Variants in SASS6 observed in about 807,000 individuals in gnomAD.
SASS6 encodes SAS-6 centriolar assembly protein.
A neutral mutation model predicts 94.9 loss-of-function variants in SASS6; 59 were observed. The observed-to-expected ratio is 0.62, with a 90% CI of 0.50 to 0.77. The LOEUF (loss-of-function observed/expected upper bound fraction) is 0.77, where lower values mean the gene tolerates loss of function less well. SASS6 is among the 30% of genes least tolerant of loss of function. SASS6 has a pLI of 0.00. For synonymous variants in SASS6, 264 were observed against 270.0 expected, an observed-to-expected ratio of 0.98 and a Z score of 0.22; for missense variants, 698 against 734.1, an observed-to-expected ratio of 0.95 and a Z score of 0.57.
At chr1:100,093,891 C>T (rs1461581241) in intron 14 of SASS6, among the ~76,000 whole-genome samples, 1 of 152,074 alleles carries the variant, frequency 6.6e-6, no homozygotes, top group Non-Finnish European at 1.5e-5. Context: ...TTTAGATTAA[C>T]ATAGAACTCT....
At chr1:100,127,099 T>C (rs1301583305) in intron 1 of SASS6, among the ~76,000 whole-genome samples, 1 of 152,170 alleles carries the variant, frequency 6.6e-6, no homozygotes, top group African/African-American at 2.4e-5. Context: ...TCATAAACAT[T>C]AATCAAATAG....
rs1237904428 is a variant in SASS6, at chr1:100,084,632, A to G, written c.*696T>C. Reference sequence around the variant, plus strand: ...ACAAATTGAGAAAAACTAGATGAGTATAAACATTTAGGAAGCACTGAAGTT... The same window carrying G: ...ACAAATTGAGAAAAACTAGATGAGTGTAAACATTTAGGAAGCACTGAAGTT... On this transcript the variant is annotated 3_prime_UTR_variant, in exon 17 of 17. Coordinates refer to ENST00000287482, the MANE Select transcript of SASS6 (RefSeq NM_194292.3). 6.6e-6 allele frequency: 1 copy of G among 152,146 alleles called. No individual in the cohort carries two copies. The highest frequency in any genetic ancestry group is 1.5e-5 in the Non-Finnish European group (1 of 67,960). 9.4% of individuals were successfully genotyped at this position (152,146 alleles called of 1,614,324 possible).
At chr1:100,096,835 G>A (rs1435949514) in intron 14 of SASS6, among the ~76,000 whole-genome samples, 2 of 152,208 alleles carry the variant, frequency 1.3e-5, no homozygotes, top group East Asian at 1.9e-4. Flanking sequence ...ACAATGAGGG[G>A]CCAGGTGTGG....
rs749784408 is a variant in SASS6 at position 100,102,989 on chromosome 1, G to A, written c.1640C>T (p.Ala547Val). Residue 547 changes from alanine to valine, a missense_variant, in exon 14 of 17, where the codon GCC becomes GTC. Transcript: ENST00000287482. ...FQNTFPHSISAKNTSHPGSGT... is the reference protein window; with the variant it reads ...FQNTFPHSISVKNTSHPGSGT... ...TGAACCAGGGTGGCTGGTATTTTTG[G>A]CAGATATCGAATGAGGGAAGGTATT... The A allele has an allele frequency of 6.2e-7, 1 of 1,611,994 alleles. No individual in the cohort carries two copies. Among genetic ancestry groups the A allele is most frequent in the Non-Finnish European group, 8.5e-7 (1 of 1,178,450 alleles).
intron 13 of SASS6, among the ~76,000 whole-genome samples, chr1:100,104,483 A>T (rs1181804327): frequency 6.6e-6 from 1 of 152,016 alleles, no homozygotes; most frequent in Non-Finnish European, 1.5e-5. Flanking sequence ...TGTTTGAGAT[A>T]GAGTCTCACT....
rs186655054 is a variant in SASS6 at position 100,092,990 on chromosome 1, A to G, written c.1675-4754T>C. Among the ~76,000 whole-genome samples, 414 of 152,240 alleles carry G rather than the reference A, an allele frequency of 2.7e-3. 1 individual carries two copies. Among genetic ancestry groups the G allele is most frequent in the Non-Finnish European group, 4.3e-3 (291 of 68,002 alleles). On this transcript the variant is annotated intron_variant, in intron 14 of 16. Coordinates refer to ENST00000287482, the MANE Select transcript of SASS6 (RefSeq NM_194292.3). The stretch of plus-strand genomic sequence containing the variant: ...CGAAATATGAAAACATAAGGGGGGA[A>G]AAGGCAAAGGGACTGTATGGTGGCA...
At position 100,123,200 on chromosome 1, in the gene SASS6, A is replaced by C; in HGVS notation, c.206+10T>G. 1 of 1,245,224 alleles carries C rather than the reference A, an allele frequency of 8.0e-7. No individual in the cohort carries two copies. The highest frequency in any genetic ancestry group is 1.2e-6 in the Non-Finnish European group (1 of 863,222). 77.1% of individuals were successfully genotyped at this position (1,245,224 alleles called of 1,614,324 possible). A position where few individuals can be genotyped will look rare whatever the true frequency, so the allele number is the denominator to read the frequency against. ...TCACTAAATATAAGATCAGAAAAAAATTTAGTTACCTTTGAAAATCTTCCT... is the reference window on the plus strand; with the variant it reads ...TCACTAAATATAAGATCAGAAAAAACTTTAGTTACCTTTGAAAATCTTCCT... On this transcript the variant is annotated intron_variant, in intron 3 of 16. Coordinates refer to ENST00000287482, the MANE Select transcript of SASS6 (RefSeq NM_194292.3).
rs533537975 is a variant in SASS6, at chr1:100,107,448, T to G, written c.1252A>C (p.Lys418Gln). 8.1e-6 allele frequency: 13 copies of G among 1,610,202 alleles called. No homozygotes were observed. The highest frequency in any genetic ancestry group is 5.5e-5 in the South Asian group (5 of 90,946). The change falls in exon 11 of 17, where the codon AAG (lysine) becomes CAG (glutamine). Residue 418 changes from lysine (K) to glutamine (Q), a missense_variant. Transcript: ENST00000287482. ...TIQQEKLLAE[K>Q]EEKLQKEQKE... ...TGTTCCTTTTGTAATTTTTCCTCCT[T>G]CTCAGCCAAGAGTTTTTCTTGCTGA...
intron 8 of SASS6, among the ~76,000 whole-genome samples, chr1:100,109,343 T>C (rs1260967781): frequency 6.6e-6 from 1 of 152,088 alleles, no homozygotes; most frequent in African/African-American, 2.4e-5. Context: ...CACTGGTAAC[T>C]TTGGTATTTA....
chr1:100,114,750 A>C (rs1653663303), intron 7 of SASS6, among the ~76,000 whole-genome samples: 1 of 151,794 alleles, frequency 6.6e-6, no homozygotes, highest in Non-Finnish European at 1.5e-5. Context: ...CAAAAATCCC[A>C]AGTTAAATAA....
intron 15 of SASS6, among the ~76,000 whole-genome samples, chr1:100,086,821 C>T (rs907067500): frequency 6.6e-6 from 1 of 151,912 alleles, no homozygotes; most frequent in East Asian, 1.9e-4. Context: ...GCTGGGACTA[C>T]AGGTGTATGT....
At chr1:100,114,008 A>T (rs889087702) in intron 7 of SASS6, among the ~76,000 whole-genome samples, 4 of 152,052 alleles carry the variant, frequency 2.6e-5, no homozygotes, top group African/African-American at 7.2e-5. Flanking sequence ...AAATAAAAAA[A>T]AATAATAAAT....
At chr1:100,114,726 A>G (rs1653662523) in intron 7 of SASS6, among the ~76,000 whole-genome samples, 1 of 151,978 alleles carries the variant, frequency 6.6e-6, no homozygotes, top group Admixed American at 6.6e-5. Context: ...TCTAAAATTA[A>G]ATAAATAAAA....
chr1:100,125,222 A>AGTGTGTGTGTGTGTGTGTGTGTGTGT (rs59388922), intron 2 of SASS6, among the ~76,000 whole-genome samples: 31 of 143,722 alleles, frequency 2.2e-4, no homozygotes, highest in African/African-American at 7.7e-4. Context: ...ACAAGGCAGC[A>AGTGTGTGTGTGTGTGTGTGTGTGTGT]GTGTGTGTGT....
At chr1:100,089,143 ATAAAT>A (rs1305918126) in intron 14 of SASS6, among the ~76,000 whole-genome samples, 1 of 152,166 alleles carries the variant, frequency 6.6e-6, no homozygotes, top group Non-Finnish European at 1.5e-5. Context: ...TTCTCACTGA[ATAAAT>A]TAACAGCAAA....
intron 1 of SASS6, among the ~76,000 whole-genome samples, chr1:100,128,659 T>C (rs1188058150): frequency 6.6e-6 from 1 of 152,218 alleles, no homozygotes; most frequent in East Asian, 1.9e-4. Flanking sequence ...TCCCTTATAA[T>C]GGTTAATGTC....
intron 14 of SASS6, among the ~76,000 whole-genome samples, chr1:100,088,838 A>T (rs1651486468): frequency 6.7e-6 from 1 of 148,154 alleles, no homozygotes; most frequent in Non-Finnish European, 1.5e-5. Context: ...CTGTCTATAA[A>T]AAAAAAAAAA....
At chr1:100,088,972 C>G (rs959096998) in intron 14 of SASS6, among the ~76,000 whole-genome samples, 18 of 151,910 alleles carry the variant, frequency 1.2e-4, no homozygotes, top group Admixed American at 7.9e-4. Context: ...AAAAATTAGC[C>G]AACAGAAACA....
intron 5 of SASS6, among the ~76,000 whole-genome samples, chr1:100,120,940 G>C (rs2810416): frequency 0.99 from 147,512 of 149,584 alleles, 72,767 homozygotes; most frequent in East Asian, 1. Context: ...GTCCCAGCTA[G>C]TTGGGAGGCT....
Sources: gnomAD v4.1 joint callset for allele counts (sites outside exome capture counted in the v4.1 genomes callset) on GRCh38, gnomAD v4.1.1 for gene constraint, MANE v1.5 for transcripts, NCBI Gene and HGNC (gene_info 2026-07-23, HGNC 2026-07-21) for gene names.